The following KDM4C variants were observed in gnomAD, a reference collection of about 807,000 sequenced individuals.
KDM4C encodes the protein lysine-specific demethylase 4C.
KDM4C carries 81 observed loss-of-function variants against 129.3 expected under a neutral mutation model. That is an observed-to-expected ratio of 0.63 (90% CI 0.52 to 0.75). KDM4C has a LOEUF of 0.75. Among genes scored for constraint, KDM4C ranks in the 30% least tolerant of loss-of-function variants. The pLI is 0.00. For missense variants in KDM4C, 1,457 were observed against 1,304.0 expected (o/e 1.12, Z -1.81); for synonymous variants, 573 against 456.1 (o/e 1.26, Z -3.26).
chr9:6,976,243 C>G (rs1357561129), intron 8 of KDM4C, among the ~76,000 whole-genome samples: 1 of 152,088 alleles, frequency 6.6e-6, no homozygotes, highest in Non-Finnish European at 1.5e-5. Flanking sequence ...TAAGAGGTTA[C>G]TTTGATGCTA....
At chr9:6,896,507 A>G (rs1345266752) in intron 8 of KDM4C, among the ~76,000 whole-genome samples, 1 of 151,528 alleles carries the variant, frequency 6.6e-6, no homozygotes, top group Admixed American at 6.6e-5. Context: ...AATTTTGTGT[A>G]ATACAAACCA....
intron 17 of KDM4C, among the ~76,000 whole-genome samples, chr9:7,057,038 T>C (rs147356653): frequency 5.0e-4 from 76 of 152,340 alleles, no homozygotes; most frequent in African/African-American, 1.8e-3. Flanking sequence ...GGTACGGTCA[T>C]TATTGTGTAA....
At chr9:6,982,111 C>T (rs939260033) in intron 9 of KDM4C, 1 of 151,696 alleles carries the variant, frequency 6.6e-6, no homozygotes, top group East Asian at 1.9e-4. Flanking sequence ...TTTTTAATGC[C>T]TGCATGTATT....
chr9:7,016,425 C>CTTTT lies in KDM4C; in HGVS notation c.2259+512_2259+515dup, dbSNP rs759501262. Among the ~76,000 whole-genome samples, 56 of 102,708 alleles carry CTTTT rather than the reference C, an allele frequency of 5.5e-4. 2 individuals carry two copies. The highest frequency in any genetic ancestry group is 6.9e-4 in the South Asian group (2 of 2,916). The allele number at this position is 102,708 out of a possible 152,430, so 67.4% of individuals were successfully genotyped here. A position where few individuals can be genotyped will look rare whatever the true frequency, so the allele number is the denominator to read the frequency against. ...TACAGGCGGGAGCCACTGTTCCTGG[C>CTTTT]TTTTTTTTTTTTTTTTTTTGAGATG... On this transcript the variant is annotated intron_variant, in intron 15 of 21. Transcript: ENST00000381309.
intron 19 of KDM4C, among the ~76,000 whole-genome samples, chr9:7,163,878 A>AT (rs1368444166): frequency 6.6e-6 from 1 of 152,040 alleles, no homozygotes; most frequent in Non-Finnish European, 1.5e-5. Flanking sequence ...CGAGCAAACT[A>AT]TTTTTTTCTT....
chr9:6,889,710 G>A (rs1336610472), intron 7 of KDM4C, among the ~76,000 whole-genome samples: 1 of 152,246 alleles, frequency 6.6e-6, no homozygotes, highest in African/African-American at 2.4e-5. Flanking sequence ...GTGAAGGAAT[G>A]CAACAGTATC....
chr9:6,735,432 C>G (rs539215731), intron 1 of KDM4C, among the ~76,000 whole-genome samples: 4 of 152,202 alleles, frequency 2.6e-5, no homozygotes, highest in Non-Finnish European at 5.9e-5. Flanking sequence ...CAAATCTCAT[C>G]TTGAATTGTA....
At chr9:7,144,289 A>G (rs1842028702) in intron 19 of KDM4C, among the ~76,000 whole-genome samples, 1 of 152,128 alleles carries the variant, frequency 6.6e-6, no homozygotes, top group African/African-American at 2.4e-5. Flanking sequence ...CAGTTTCTGA[A>G]TACCATGAGC....
At chr9:6,798,594 T>G (rs1031679754) in intron 2 of KDM4C, among the ~76,000 whole-genome samples, 2 of 152,144 alleles carry the variant, frequency 1.3e-5, no homozygotes, top group Non-Finnish European at 2.9e-5. Context: ...GGCAGAAGAA[T>G]TTTTCTTAGT....
chr9:6,853,230 A>G (rs1235846975), intron 5 of KDM4C, among the ~76,000 whole-genome samples: 2 of 152,102 alleles, frequency 1.3e-5, no homozygotes, highest in African/African-American at 2.4e-5. Context: ...GCTCATGCCT[A>G]TAATCCCAGC....
chr9:7,042,529 G>T (rs1828764978), intron 15 of KDM4C, among the ~76,000 whole-genome samples: 1 of 151,990 alleles, frequency 6.6e-6, no homozygotes, highest in Non-Finnish European at 1.5e-5. Context: ...AATTTTTTAT[G>T]ATATGGGTTC....
chr9:6,781,840 G>A (rs1395477488), intron 1 of KDM4C, among the ~76,000 whole-genome samples: 1 of 146,886 alleles, frequency 6.8e-6, no homozygotes, highest in South Asian at 2.1e-4. Flanking sequence ...TTTTTTTTGA[G>A]ACAGAACCTC....
chr9:6,959,837 A>G (rs1381266656), intron 8 of KDM4C, among the ~76,000 whole-genome samples: 1 of 152,072 alleles, frequency 6.6e-6, no homozygotes, highest in Non-Finnish European at 1.5e-5. Context: ...TTAATTTATC[A>G]CCAGGCATGT....
intron 8 of KDM4C, among the ~76,000 whole-genome samples, chr9:6,904,957 AAAAC>A (rs1489408218): frequency 3.3e-5 from 5 of 152,330 alleles, no homozygotes; most frequent in South Asian, 2.1e-4. Context: ...CATTAAACAA[AAAAC>A]AAACAAACAA....
intron 5 of KDM4C, among the ~76,000 whole-genome samples, chr9:6,865,283 C>G (rs1351359276): frequency 1.3e-5 from 2 of 152,190 alleles, no homozygotes; most frequent in Non-Finnish European, 2.9e-5. Flanking sequence ...TTTGGGATTA[C>G]AAGCGTGAGC....
chr9:6,762,140 G>T (rs1187552266), intron 1 of KDM4C, among the ~76,000 whole-genome samples: 6 of 151,926 alleles, frequency 3.9e-5, no homozygotes, highest in Non-Finnish European at 8.8e-5. Context: ...GGGTACATGT[G>T]CGCAACGTGC....
chr9:6,772,450 C>G (rs1822058881), intron 1 of KDM4C, among the ~76,000 whole-genome samples: 1 of 152,194 alleles, frequency 6.6e-6, no homozygotes, highest in South Asian at 2.1e-4. Context: ...CAACCTCCGC[C>G]TCCTGCGTTC....
intron 17 of KDM4C, among the ~76,000 whole-genome samples, chr9:7,102,607 C>T (rs1837228704): frequency 6.6e-6 from 1 of 152,144 alleles, no homozygotes; most frequent in Non-Finnish European, 1.5e-5. Context: ...AGTCACCGAT[C>T]AGATGTGAGG....
At chr9:7,141,878 A>T (rs1283148477) in intron 19 of KDM4C, among the ~76,000 whole-genome samples, 1 of 151,994 alleles carries the variant, frequency 6.6e-6, no homozygotes, top group Non-Finnish European at 1.5e-5. Context: ...GAGAAGAGAC[A>T]TCTCATGTTT....
Sources: allele counts gnomAD v4.1 joint callset (sites outside exome capture counted in the v4.1 genomes callset), GRCh38; gene constraint gnomAD v4.1.1; transcripts MANE v1.5; gene names NCBI Gene and HGNC (gene_info 2026-07-23, HGNC 2026-07-21).